CHM: variants seen among roughly 807,000 people sequenced by gnomAD.
The protein encoded by CHM is CHM Rab escort protein, also known as rab proteins geranylgeranyltransferase component A 1.
Under a neutral mutation model 49.0 loss-of-function variants are expected in CHM, and 10 were observed. That is an observed-to-expected ratio of 0.20 (90% confidence interval 0.13 to 0.35). The LOEUF is 0.35. Ranked by LOEUF, CHM falls within the 10% of genes least tolerant of loss-of-function variation. The pLI is 1.00. For synonymous variants in CHM, 184 were observed against 167.5 expected (o/e 1.10, Z -0.76); for missense variants, 455 against 478.4 (o/e 0.95, Z 0.46).
chrX:85,931,603 A>T (rs1928440983), intron 8 of CHM, among the ~76,000 whole-genome samples: 1 of 111,524 alleles, frequency 9.0e-6, no homozygotes, highest in Non-Finnish European at 1.9e-5. Context: ...ATCTACTATG[A>T]ATTTCATGCT....
At chrX:85,921,222 AC>A (rs1273643097) in intron 8 of CHM, among the ~76,000 whole-genome samples, 8 of 112,030 alleles carry the variant, frequency 7.1e-5, no homozygotes, top group Non-Finnish European at 1.3e-4. Context: ...TCCACATGAC[AC>A]GTTTTCTTCC....
chrX:85,913,426 C>CGGGAGAGGGGAG (rs1927249219), intron 8 of CHM, among the ~76,000 whole-genome samples: 1 of 76,657 alleles, frequency 1.3e-5, no homozygotes, highest in Non-Finnish European at 2.7e-5. Flanking sequence ...GGAGAGGAGA[C>CGGGAGAGGGGAG]TGGAGGACAG....
At chrX:85,895,452 T>C (rs1450131940) in intron 11 of CHM, among the ~76,000 whole-genome samples, 2 of 111,694 alleles carry the variant, frequency 1.8e-5, no homozygotes, top group Admixed American at 9.5e-5. Context: ...CCCAGGTCAA[T>C]GTTTCTTTGT....
chrX:86,005,258 A>C (rs2147755473), intron 2 of CHM, among the ~76,000 whole-genome samples: 1 of 112,378 alleles, frequency 8.9e-6, no homozygotes, highest in East Asian at 2.8e-4. Flanking sequence ...GGACACATTC[A>C]AAGCAGTGTG....
In CHM at chrX:85,963,763, T is replaced by C. The variant is rs1026235069; in HGVS notation, c.604A>G (p.Ile202Val). 2.5e-6 allele frequency: 3 copies of C among 1,211,416 alleles called. No individual in the cohort carries two copies. The highest frequency in any genetic ancestry group is 2.2e-5 in the Admixed American group (1 of 46,062). ...SAEDMSENVP[I>V]AEDTTEQPKK... is the part of the protein sequence containing the mutation. The stretch of plus-strand genomic sequence containing the variant: ...GGTTGCTCTGTGGTATCTTCTGCTA[T>C]AGGCACATTTTCACTCATGTCTTCT... The change falls in exon 5 of 15, where the codon ATA becomes GTA. Residue 202 changes from isoleucine (I) to valine (V), a missense_variant. Physicochemically the swap from Ile to Val is conservative, Grantham distance 29. Coordinates refer to ENST00000357749, the MANE Select transcript of CHM (RefSeq NM_000390.4).
At chrX:86,020,128 T>C (rs1249187501) in intron 2 of CHM, among the ~76,000 whole-genome samples, 6 of 111,474 alleles carry the variant, frequency 5.4e-5, no homozygotes, top group African/African-American at 2.0e-4. Context: ...CCAGTCCTAC[T>C]AAAATTCTCA....
At chrX:85,911,569 T>G (rs1927030713) in intron 8 of CHM, among the ~76,000 whole-genome samples, 1 of 108,928 alleles carries the variant, frequency 9.2e-6, no homozygotes, top group African/African-American at 3.3e-5. Context: ...CTTAGAACTG[T>G]GAGCAAACCA....
chrX:85,886,023 GATGATCACAAACA>G (rs1925066030), intron 12 of CHM, among the ~76,000 whole-genome samples: 2 of 110,529 alleles, frequency 1.8e-5, no homozygotes, highest in Admixed American at 1.9e-4. Flanking sequence ...TGATCAAATG[GATGATCACAAACA>G]TTTCAACATC....
chrX:86,017,196 C>T (rs1933339419), intron 2 of CHM, among the ~76,000 whole-genome samples: 1 of 112,103 alleles, frequency 8.9e-6, no homozygotes, highest in Admixed American at 9.4e-5. Context: ...AAGGGACTTG[C>T]CTTGTCTCAG....
intron 8 of CHM, among the ~76,000 whole-genome samples, chrX:85,948,017 C>G (rs1183133636): frequency 3.6e-5 from 4 of 111,517 alleles, no homozygotes; most frequent in Non-Finnish European, 3.8e-5. Context: ...AGAAGGTTGA[C>G]AGTTAAATGC....
intron 1 of CHM, among the ~76,000 whole-genome samples, chrX:86,035,941 C>T (rs1339163822): frequency 1.8e-5 from 2 of 108,680 alleles, no homozygotes; most frequent in East Asian, 5.8e-4. Context: ...CTACAGGTAT[C>T]CGCCACCATG....
intron 8 of CHM, among the ~76,000 whole-genome samples, chrX:85,954,477 C>T (rs1450583183): frequency 1.8e-5 from 2 of 111,890 alleles, no homozygotes; most frequent in African/African-American, 6.5e-5. Context: ...CTACATACCA[C>T]ATTTGTCGCA....
intron 14 of CHM, among the ~76,000 whole-genome samples, chrX:85,872,355 G>A (rs984147278): frequency 1.8e-5 from 2 of 111,977 alleles, no homozygotes; most frequent in African/African-American, 6.5e-5. Context: ...CCAGGGCAAA[G>A]AAGTATATTT....
At chrX:85,972,409 G>C (rs753734459) in intron 4 of CHM, among the ~76,000 whole-genome samples, 1 of 113,285 alleles carries the variant, frequency 8.8e-6, no homozygotes, top group Non-Finnish European at 1.9e-5. Flanking sequence ...TGGAGCAGGG[G>C]GCGGCATTTG....
At chrX:85,882,492 C>A (rs753565568) in intron 12 of CHM, among the ~76,000 whole-genome samples, 194 of 111,485 alleles carry the variant, frequency 1.7e-3, no homozygotes, top group African/African-American at 6.0e-3. Context: ...AAATTAATAT[C>A]TTTTTATAAA....
At chrX:85,971,920 G>A (rs1209197086) in intron 4 of CHM, among the ~76,000 whole-genome samples, 4 of 110,137 alleles carry the variant, frequency 3.6e-5, no homozygotes, top group African/African-American at 1.3e-4. Flanking sequence ...CAAACCTTGA[G>A]CGAAACACAG....
intron 8 of CHM, among the ~76,000 whole-genome samples, chrX:85,934,565 C>G (rs769905712): frequency 5.2e-4 from 56 of 108,123 alleles, no homozygotes; most frequent in Non-Finnish European, 9.4e-4. Context: ...ATAGTTTGCT[C>G]AGAATGATGG....
At chrX:86,001,742 T>A (rs1021561716) in intron 2 of CHM, among the ~76,000 whole-genome samples, 15 of 110,002 alleles carry the variant, frequency 1.4e-4, no homozygotes, top group African/African-American at 5.0e-4. Flanking sequence ...CCTACTAAAC[T>A]AGGGATTACA....
intron 9 of CHM, among the ~76,000 whole-genome samples, chrX:85,908,846 T>A (rs970654057): frequency 2.7e-5 from 3 of 111,818 alleles, no homozygotes; most frequent in Non-Finnish European, 5.6e-5. Flanking sequence ...TCAACTTCTT[T>A]AAATTTCTCA....
Sources: allele counts gnomAD v4.1 joint callset (sites outside exome capture counted in the v4.1 genomes callset), GRCh38; gene constraint gnomAD v4.1.1; transcripts MANE v1.5; gene names NCBI Gene and HGNC (gene_info 2026-07-23, HGNC 2026-07-21).